The following PATJ variants were observed in gnomAD, a reference collection of about 807,000 sequenced individuals.
PATJ encodes inaD-like protein.
PATJ carries 190 observed loss-of-function variants against 224.9 expected under a neutral mutation model. The ratio of observed to expected loss-of-function variants is 0.84; its 90% CI spans 0.75 to 0.95. The LOEUF (loss-of-function observed/expected upper bound fraction) is 0.95. PATJ is among the 40% of genes least tolerant of loss of function. PATJ has a pLI of 0.00. For missense variants in PATJ, 2,121 were observed against 2,270.3 expected, an observed-to-expected ratio of 0.93 and a Z score of 1.34; for synonymous variants, 769 against 820.3, an observed-to-expected ratio of 0.94 and a Z score of 1.07.
At chr1:61,828,908 G>C (rs1392964652) in intron 16 of PATJ, among the ~76,000 whole-genome samples, 2 of 152,044 alleles carry the variant, frequency 1.3e-5, no homozygotes, top group African/African-American at 2.4e-5. Context: ...ATGACTTTCT[G>C]TTCATATTTT....
chr1:61,850,531 G>T (rs1662650686), intron 17 of PATJ, among the ~76,000 whole-genome samples: 2 of 152,200 alleles, frequency 1.3e-5, no homozygotes, highest in Non-Finnish European at 1.5e-5. Flanking sequence ...AACCTCTGGT[G>T]GCCAAGTGCA....
At chr1:61,932,665 C>T (rs1043403612) in intron 27 of PATJ, among the ~76,000 whole-genome samples, 6 of 152,048 alleles carry the variant, frequency 3.9e-5, no homozygotes, top group Non-Finnish European at 5.9e-5. Context: ...TTTGGGAGGC[C>T]GAGGTGGGTG....
chr1:61,901,429 C>G lies in PATJ; in HGVS notation c.3351C>G (p.Asn1117Lys). 6.3e-7 allele frequency: 1 copy of G among 1,582,250 alleles called. No individual in the cohort carries two copies. The highest frequency in any genetic ancestry group is 8.6e-7 in the Non-Finnish European group (1 of 1,169,350). ...VLEDSPAGKT[N>K]ALKTGDKILE... ...AAGACAGTCCAGCAGGGAAGACGAA[C>G]GCACTTAAAACTGGAGATAAAATAC... is the stretch of plus-strand genomic sequence containing the variant. Residue 1117 changes from asparagine to lysine, a missense_variant, in exon 24 of 44, where the codon AAC becomes AAG. Physicochemically the swap from Asn to Lys is moderately conservative, Grantham distance 94. Coordinates refer to ENST00000642238, the MANE Select transcript of PATJ (RefSeq NM_001350145.3).
intron 28 of PATJ, among the ~76,000 whole-genome samples, chr1:62,010,240 C>A (rs1331372646): frequency 6.6e-6 from 1 of 152,106 alleles, no homozygotes; most frequent in African/African-American, 2.4e-5. Context: ...TTCCACCACA[C>A]CTGCAGTGAC....
chr1:61,806,144 AAG>A (rs1413501962), intron 13 of PATJ, among the ~76,000 whole-genome samples: 1 of 152,216 alleles, frequency 6.6e-6, no homozygotes, highest in Non-Finnish European at 1.5e-5. Context: ...GTGCTTAGAC[AAG>A]CCTCTACAGT....
At chr1:61,815,105 G>A (rs971158410) in intron 14 of PATJ, among the ~76,000 whole-genome samples, 5 of 152,194 alleles carry the variant, frequency 3.3e-5, no homozygotes, top group African/African-American at 1.2e-4. Flanking sequence ...AGTAAATTGA[G>A]CATAACTGGG....
chr1:62,080,038 A>AT (rs1659013594), intron 32 of PATJ, among the ~76,000 whole-genome samples: 1 of 151,924 alleles, frequency 6.6e-6, no homozygotes, highest in South Asian at 2.1e-4. Flanking sequence ...AAAAAAAAAA[A>AT]AAAGGAAAAG....
chr1:62,003,736 C>G lies in PATJ; in HGVS notation c.3867+13372C>G, dbSNP rs564323311. On this transcript the variant is annotated intron_variant, in intron 28 of 43. Coordinates refer to ENST00000642238, the MANE Select transcript of PATJ (RefSeq NM_001350145.3). ...TTCACCTGAGTTTCAGGCATCTGCCCTGTCCCATCCCTAGCCTGGTACTCC... is the reference window on the plus strand; with the variant it reads ...TTCACCTGAGTTTCAGGCATCTGCCGTGTCCCATCCCTAGCCTGGTACTCC... Among the ~76,000 whole-genome samples the G allele has an allele frequency of 3.3e-5, 5 of 152,308 alleles. No individual in the cohort carries two copies. The East Asian group carries it at 9.6e-4, about 29-fold the overall frequency.
intron 41 of PATJ, among the ~76,000 whole-genome samples, chr1:62,146,047 G>A (rs1668010781): frequency 1.3e-5 from 2 of 152,118 alleles, no homozygotes; most frequent in African/African-American, 4.8e-5. Context: ...CATGGAGCTG[G>A]GATGTTGGTG....
At chr1:61,962,713 T>C (rs998350735) in intron 27 of PATJ, among the ~76,000 whole-genome samples, 5 of 152,226 alleles carry the variant, frequency 3.3e-5, no homozygotes, top group African/African-American at 9.6e-5. Flanking sequence ...ACAGCTATTC[T>C]AGAGGACAGA....
At chr1:62,039,920 C>A (rs576162158) in intron 30 of PATJ, among the ~76,000 whole-genome samples, 1 of 151,608 alleles carries the variant, frequency 6.6e-6, no homozygotes, top group African/African-American at 2.4e-5. Flanking sequence ...TCATATCTCT[C>A]GAGGCAGTCT....
chr1:61,908,123 T>C (rs992388722), intron 24 of PATJ, among the ~76,000 whole-genome samples: 1 of 152,238 alleles, frequency 6.6e-6, no homozygotes, highest in Non-Finnish European at 1.5e-5. Flanking sequence ...TGGATAATTA[T>C]ATTTAACCAG....
chr1:61,994,240 G>A (rs1228102161), intron 28 of PATJ, among the ~76,000 whole-genome samples: 1 of 150,702 alleles, frequency 6.6e-6, no homozygotes, highest in African/African-American at 2.4e-5. Context: ...TAGATTCTCT[G>A]CTGGTGAACA....
intron 1 of PATJ, among the ~76,000 whole-genome samples, chr1:61,759,860 G>A (rs115913725): frequency 0.01 from 1,551 of 152,290 alleles, 35 homozygotes; most frequent in African/African-American, 0.035. Flanking sequence ...CAACTTAGCA[G>A]TGTCAGTATA....
At chr1:62,147,378 G>C (rs534481896) in intron 41 of PATJ, among the ~76,000 whole-genome samples, 10 of 152,154 alleles carry the variant, frequency 6.6e-5, no homozygotes, top group Non-Finnish European at 7.3e-5. Context: ...GTTGAAGGCC[G>C]GGCACAGGAG....
chr1:61,824,819 A>G (rs1657951567), intron 15 of PATJ, among the ~76,000 whole-genome samples: 1 of 152,190 alleles, frequency 6.6e-6, no homozygotes, highest in Admixed American at 6.5e-5. Flanking sequence ...GCTGGATCAC[A>G]GTATAGAAAG....
At chr1:62,144,766 CAAAAAAAAA>C (rs546610971) in intron 41 of PATJ, among the ~76,000 whole-genome samples, 31 of 116,456 alleles carry the variant, frequency 2.7e-4, no homozygotes, top group African/African-American at 1.0e-3. Flanking sequence ...ATGTTATTTG[CAAAAAAAAA>C]AAATATATAT....
chr1:61,826,118 G>A (rs949046780), intron 15 of PATJ, among the ~76,000 whole-genome samples: 2 of 152,188 alleles, frequency 1.3e-5, no homozygotes, highest in African/African-American at 4.8e-5. Context: ...AGTGCACGTG[G>A]GTCTCTTTAC....
intron 23 of PATJ, among the ~76,000 whole-genome samples, chr1:61,899,887 C>T (rs1244487970): frequency 6.6e-6 from 1 of 152,338 alleles, no homozygotes; most frequent in Non-Finnish European, 1.5e-5. Context: ...GAGAAAGCAA[C>T]TTAGATGTCC....
Sources: allele counts gnomAD v4.1 joint callset (sites outside exome capture counted in the v4.1 genomes callset), GRCh38; gene constraint gnomAD v4.1.1; transcripts MANE v1.5; gene names NCBI Gene and HGNC (gene_info 2026-07-23, HGNC 2026-07-21).